Variants in VNN2 observed in about 807,000 individuals in gnomAD.
VNN2 encodes pantetheine hydrolase VNN2.
Under a neutral mutation model 43.0 loss-of-function variants are expected in VNN2, and 43 were observed. That is an observed-to-expected ratio of 1.00 (90% CI 0.78 to 1.29). VNN2 has a LOEUF of 1.29. Among genes scored for constraint, VNN2 ranks in the 50% most tolerant of loss-of-function variants. VNN2 has a pLI of 0.00. For missense variants in VNN2, 652 were observed against 619.7 expected (o/e 1.05, Z -0.55); for synonymous variants, 230 against 224.3 (o/e 1.03, Z -0.23).
At chr6:132,756,327 A>C (rs1780475912) in intron 2 of VNN2, among the ~76,000 whole-genome samples, 1 of 152,162 alleles carries the variant, frequency 6.6e-6, no homozygotes, top group Non-Finnish European at 1.5e-5. Context: ...CCCATCTTTA[A>C]AAAATAAAAT....
Position 132,757,399 on chromosome 6 carries a change from T to C in VNN2, c.344+17A>G, listed in dbSNP as rs9493431. On this transcript the variant is annotated intron_variant, in intron 2 of 6. Transcript: ENST00000326499. ...AGAGAGTTACTTTTGCACAAAAGAC[T>C]AAGATAGTTAAAATACCTGTGGGGG... is the stretch of plus-strand genomic sequence containing the variant. The C allele has an allele frequency of 7.0e-3, 11,061 of 1,584,398 alleles. 647 individuals carry two copies. In the African/African-American group the frequency reaches 0.13, roughly 18 times the overall value.
intron 6 of VNN2, among the ~76,000 whole-genome samples, chr6:132,746,199 G>T (rs1779705556): frequency 6.6e-6 from 1 of 152,230 alleles, no homozygotes; most frequent in African/African-American, 2.4e-5. Context: ...TGCCTAAGGT[G>T]CTAAAGCAAG....
upstream of VNN2, among the ~76,000 whole-genome samples, chr6:132,759,303 G>A (rs937230363): frequency 1.3e-5 from 2 of 151,120 alleles, no homozygotes; most frequent in Non-Finnish European, 2.9e-5. Context: ...GCTGGTCGTG[G>A]TGGTGGGCGC....
Position 132,752,649 on chromosome 6 carries a change from T to A in VNN2, c.638A>T (p.Asp213Val). 6.2e-7 allele frequency: 1 copy of A among 1,614,126 alleles called. No homozygotes were observed. The highest frequency in any genetic ancestry group is 8.5e-7 in the Non-Finnish European group (1 of 1,180,020). ...AACACCAGGATCATAGAAGAATATA[T>A]CAAAGCACGTGAAAATGCCAAACCT... ...FGRFGIFTCF[D>V]IFFYDPGVTL... is the part of the protein sequence containing the mutation. Residue 213 changes from aspartate (D) to valine (V), a missense_variant, in exon 4 of 7, where the codon GAT becomes GTT. Physicochemically the swap from Asp to Val is radical, Grantham distance 152 (BLOSUM62 -3). Transcript: ENST00000326499.
chr6:132,750,302 G>A (rs1232310770), intron 5 of VNN2, among the ~76,000 whole-genome samples: 1 of 151,760 alleles, frequency 6.6e-6, no homozygotes, highest in Non-Finnish European at 1.5e-5. Context: ...CAAATTCAGA[G>A]CCAACATTCT....
intron 6 of VNN2, 89 bp from the exon 7 acceptor site, chr6:132,744,580 T>C: frequency 8.6e-6 from 11 of 1,277,716 alleles, no homozygotes; most frequent in Non-Finnish European, 1.2e-5. Flanking sequence ...CTAGATATAA[T>C]GTATAGTCAA....
Position 132,750,495 on chromosome 6 carries a change from G to GTGTGTA in VNN2, c.1201-631_1201-630insTACACA, listed in dbSNP as rs1390295399. Among the ~76,000 whole-genome samples, 132 of 61,370 alleles carry GTGTGTA rather than the reference G, an allele frequency of 2.2e-3. 6 individuals carry two copies. The highest frequency in any genetic ancestry group is 6.7e-3 in the African/African-American group (55 of 8,218). The allele number at this position is 61,370 out of a possible 152,430, so 40.3% of individuals were successfully genotyped here. A position where few individuals can be genotyped will look rare whatever the true frequency, so the allele number is the denominator to read the frequency against. On this transcript the variant is annotated intron_variant, in intron 5 of 6. Coordinates refer to ENST00000326499, the MANE Select transcript of VNN2 (RefSeq NM_004665.6). Reference sequence around the variant, plus strand: ...TCTCTACTAAAAATATTTTGTATATGTGTATATATATATATATATTTTTCC... The same window carrying GTGTGTA: ...TCTCTACTAAAAATATTTTGTATATGTGTGTATGTATATATATATATATATTTTTCC...
At chr6:132,752,811 A>G in intron 3 of VNN2, 62 bp from the exon 4 acceptor site, 3 of 1,537,466 alleles carry the variant, frequency 2.0e-6, no homozygotes, top group Non-Finnish European at 2.6e-6. Context: ...TGACTCATAA[A>G]AACCCTCTAA....
chr6:132,757,931 A>C (rs540252921), upstream of VNN2: 1 of 1,525,778 alleles, frequency 6.6e-7, no homozygotes, highest in African/African-American at 1.4e-5. Context: ...TTCATGTAGT[A>C]TTTACAGAGG....
Position 132,745,302 on chromosome 6 carries a change from G to A in VNN2, c.1372-811C>T, listed in dbSNP as rs139710890. Among the ~76,000 whole-genome samples, 1,208 of 152,164 alleles carry A rather than the reference G, an allele frequency of 7.9e-3. 15 individuals are homozygous for A. Among genetic ancestry groups the A allele is most frequent in the African/African-American group, 0.027 (1,128 of 41,502 alleles). On this transcript the variant is annotated intron_variant, in intron 6 of 6. Coordinates refer to ENST00000326499, the MANE Select transcript of VNN2 (RefSeq NM_004665.6). Reference sequence around the variant, plus strand: ...ATGATCTTGGCTCACTGCAACCTCCGCCTGCTGGGTTCAAGTGATTCTCCT... The same window carrying A: ...ATGATCTTGGCTCACTGCAACCTCCACCTGCTGGGTTCAAGTGATTCTCCT...
chr6:132,751,257 T>G lies in VNN2; in HGVS notation c.1088A>C (p.Lys363Thr). The G allele has an allele frequency of 9.9e-6, 16 of 1,614,214 alleles. No homozygotes were observed. The highest frequency in any genetic ancestry group is 1.4e-5 in the Non-Finnish European group (16 of 1,180,040). Residue 363 changes from lysine (K) to threonine (T), a missense_variant, in exon 5 of 7, where the codon AAG becomes ACG. Coordinates refer to ENST00000326499, the MANE Select transcript of VNN2 (RefSeq NM_004665.6). ...ENAGNLTVCQ[K>T]ELCCHLSYRM... Reference sequence around the variant, plus strand: ...GTAGCTTAAATGACAGCAAAGCTCCTTTTGACAGACTGTAAGGTTTCCTGC... The same window carrying G: ...GTAGCTTAAATGACAGCAAAGCTCCGTTTGACAGACTGTAAGGTTTCCTGC...
chr6:132,744,545 G>T, intron 6 of VNN2, 54 bp from the exon 7 acceptor site: 1 of 1,492,272 alleles, frequency 6.7e-7, no homozygotes, highest in Non-Finnish European at 9.0e-7. Context: ...GAAGTTAAAA[G>T]CAAATTAATC....
intron 6 of VNN2, among the ~76,000 whole-genome samples, chr6:132,745,716 G>C (rs987501312): frequency 6.6e-6 from 1 of 152,214 alleles, no homozygotes; most frequent in Non-Finnish European, 1.5e-5. Context: ...AGATCAGACT[G>C]TGAAAGGCAT....
chr6:132,746,233 G>A (rs1230037673), intron 6 of VNN2, among the ~76,000 whole-genome samples: 26 of 152,078 alleles, frequency 1.7e-4, no homozygotes, highest in Non-Finnish European at 1.5e-5. Context: ...TGTGGGCATG[G>A]TGAGTAACAC....
intron 1 of VNN2, among the ~76,000 whole-genome samples, chr6:132,762,944 G>A (rs1339731178): frequency 6.6e-6 from 1 of 152,178 alleles, no homozygotes; most frequent in Non-Finnish European, 1.5e-5. Context: ...GACAGCTCCT[G>A]CTTCCTTAAA....
At chr6:132,759,353 C>T (rs1179938053), upstream of VNN2, among the ~76,000 whole-genome samples, 2 of 146,678 alleles carry the variant, frequency 1.4e-5, no homozygotes, top group Middle Eastern at 3.6e-3. Flanking sequence ...GCAGGAGAAT[C>T]GCTGGAACCC....
chr6:132,757,270 T>A (rs1294831155), intron 2 of VNN2, 146 bp downstream of exon 2: 8 of 1,054,524 alleles, frequency 7.6e-6, no homozygotes, highest in Non-Finnish European at 8.9e-6. Flanking sequence ...CTAAGTACAA[T>A]TTTTTAAAAT....
At chr6:132,759,319 A>G (rs1233405955), upstream of VNN2, among the ~76,000 whole-genome samples, 3 of 151,432 alleles carry the variant, frequency 2.0e-5, no homozygotes, top group Non-Finnish European at 1.5e-5. Flanking sequence ...GGCGCCTGTA[A>G]TCCCAGCTAC....
Position 132,744,442 on chromosome 6 carries a change from A to G in VNN2, c.1421T>C (p.Ile474Thr), listed in dbSNP as rs1220802503. ...LVNKNGSSGPILTVSLFGRWY... is the reference protein window; with the variant it reads ...LVNKNGSSGPTLTVSLFGRWY... ...CCTCCCAAAGAGTGACACTGTTAGT[A>G]TAGGCCCAGATGATCCATTCTTGTT... Residue 474 changes from isoleucine to threonine, a missense_variant, in exon 7 of 7, where the codon ATA (isoleucine) becomes ACA (threonine). Transcript: ENST00000326499. 6.2e-7 allele frequency: 1 copy of G among 1,607,588 alleles called. No individual in the cohort carries two copies. The highest frequency in any genetic ancestry group is 8.5e-7 in the Non-Finnish European group (1 of 1,177,930).
Sources: allele counts gnomAD v4.1 joint callset (sites outside exome capture counted in the v4.1 genomes callset), GRCh38; gene constraint gnomAD v4.1.1; transcripts MANE v1.5; gene names NCBI Gene and HGNC (gene_info 2026-07-23, HGNC 2026-07-21).